Variants in ACSL1 observed in about 807,000 individuals in gnomAD.
ACSL1 encodes the protein acyl-CoA synthetase long chain family member 1, also known as long-chain-fatty-acid--CoA ligase 1.
A neutral mutation model predicts 98.4 loss-of-function variants in ACSL1; 41 were observed. That is an observed-to-expected ratio of 0.42 (90% CI 0.32 to 0.54). The LOEUF is 0.54. Ranked by LOEUF, ACSL1 falls within the 20% of genes least tolerant of loss-of-function variation. The pLI is 0.13. For missense variants in ACSL1, 734 were observed against 883.1 expected, an observed-to-expected ratio of 0.83 and a Z score of 2.14; for synonymous variants, 316 against 322.7, an observed-to-expected ratio of 0.98 and a Z score of 0.22.
At chr4:184,783,833 C>T (rs1216498987) in intron 4 of ACSL1, 94 bp downstream of exon 4, 3 of 1,175,654 alleles carry the variant, frequency 2.6e-6, no homozygotes, top group African/African-American at 3.1e-5. Context: ...CCAGCACATA[C>T]ACTCTGGAGA....
At chr4:184,793,258 T>C (rs1464950639) in intron 2 of ACSL1, among the ~76,000 whole-genome samples, 1 of 150,836 alleles carries the variant, frequency 6.6e-6, no homozygotes, top group Non-Finnish European at 1.5e-5. Context: ...GTCATGAGTA[T>C]ATTCCGCAAC....
At chr4:184,787,136 C>G (rs1767523260) in intron 3 of ACSL1, among the ~76,000 whole-genome samples, 1 of 152,196 alleles carries the variant, frequency 6.6e-6, no homozygotes, top group Admixed American at 6.5e-5. Context: ...ATTTAAATAA[C>G]AAAGCACAGA....
At chr4:184,821,709 G>T (rs1773082886) in intron 1 of ACSL1, among the ~76,000 whole-genome samples, 1 of 152,182 alleles carries the variant, frequency 6.6e-6, no homozygotes, top group African/African-American at 2.4e-5. Context: ...CAAATGGGGA[G>T]AAGTAACTAA....
chr4:184,818,834 A>G (rs1201921029), intron 1 of ACSL1, among the ~76,000 whole-genome samples: 1 of 152,160 alleles, frequency 6.6e-6, no homozygotes, highest in African/African-American at 2.4e-5. Flanking sequence ...ACCAGCCAGA[A>G]AAGACACAGG....
At chr4:184,774,017 G>T (rs1178262429) in intron 7 of ACSL1, 142 bp from the exon 8 acceptor site, 1 of 901,484 alleles carries the variant, frequency 1.1e-6, no homozygotes, top group South Asian at 1.6e-5. Flanking sequence ...TCTAATTAAA[G>T]AAACTATGGC....
chr4:184,778,917 A>T (rs1297478869), intron 5 of ACSL1, among the ~76,000 whole-genome samples: 6 of 151,348 alleles, frequency 4.0e-5, no homozygotes, highest in Non-Finnish European at 7.4e-5. Flanking sequence ...AGACCACAAA[A>T]CTCTAAGAAG....
At position 184,776,431 on chromosome 4, in the gene ACSL1, C is replaced by T. The variant is rs539392371; in HGVS notation, c.756+53G>A. On this transcript the variant is annotated intron_variant, in intron 7 of 20. Transcript: ENST00000281455. ...ATAGCACTGGATAGCACGTGTGAGC[C>T]AACACGGCCCCAGGGAAAGCCTTCA... 1.5e-5 allele frequency: 23 copies of T among 1,573,538 alleles called. No homozygotes were observed. In the African/African-American group the frequency reaches 2.8e-4, roughly 19 times the overall value.
intron 1 of ACSL1, among the ~76,000 whole-genome samples, chr4:184,811,193 C>G (rs1269414528): frequency 1.3e-5 from 2 of 151,974 alleles, no homozygotes; most frequent in Non-Finnish European, 2.9e-5. Flanking sequence ...ACTGCAAGCT[C>G]CGCCTTCTGG....
chr4:184,801,476 C>G lies in ACSL1; in HGVS notation c.195+1844G>C, dbSNP rs1770511815. Among the ~76,000 whole-genome samples the G allele has an allele frequency of 2.0e-5, 3 of 152,188 alleles. No homozygotes were observed. In the South Asian group the frequency reaches 6.2e-4, roughly 31 times the overall value. On this transcript the variant is annotated intron_variant, in intron 2 of 20. Transcript: ENST00000281455. ...CAGCCCCCCGCAGCAGTGCCAGATG[C>G]ACAGGCTCTTCACCGGTACCTTATG...
At chr4:184,783,210 G>C (rs1336791448) in intron 4 of ACSL1, among the ~76,000 whole-genome samples, 2 of 152,180 alleles carry the variant, frequency 1.3e-5, no homozygotes, top group Admixed American at 1.3e-4. Flanking sequence ...ACGTCTTCCT[G>C]CACTGCTACT....
chr4:184,759,369 G>C (rs1762561181), intron 18 of ACSL1, among the ~76,000 whole-genome samples: 1 of 152,168 alleles, frequency 6.6e-6, no homozygotes, highest in African/African-American at 2.4e-5. Flanking sequence ...CTTCTGCACA[G>C]CAAAAGAAAC....
Position 184,762,479 on chromosome 4 carries a change from G to T in ACSL1, c.1566C>A (p.Asp522Glu), listed in dbSNP as rs1315053395. 7 of 1,614,104 alleles carry T rather than the reference G, an allele frequency of 4.3e-6. No homozygotes were observed. The East Asian group carries it at 1.6e-4, about 36-fold the overall frequency. ...GPNVFQGYLK[D>E]PAKTAEALDK... is the part of the protein sequence containing the mutation. ...CCAAAGCTTCTGCTGTTTTCGCTGG[G>T]TCCTTCAAGTAGCCCTGAAATACAT... The change falls in exon 17 of 21, where the codon GAC becomes GAA. Residue 522 changes from aspartate (D) to glutamate (E), a missense_variant. Transcript: ENST00000281455.
chr4:184,822,253 T>C (rs1255133352), intron 1 of ACSL1, among the ~76,000 whole-genome samples: 1 of 152,122 alleles, frequency 6.6e-6, no homozygotes, highest in Non-Finnish European at 1.5e-5. Context: ...TGCCTCCAGA[T>C]GATCACATCC....
intron 5 of ACSL1, among the ~76,000 whole-genome samples, chr4:184,779,811 C>CA (rs2150345127): frequency 6.6e-6 from 1 of 151,768 alleles, no homozygotes; most frequent in South Asian, 2.1e-4. Flanking sequence ...ATAATCCCCC[C>CA]AAAAAAGTGA....
intron 5 of ACSL1, 63 bp downstream of exon 5, chr4:184,780,269 A>G (rs1181813217): frequency 7.3e-7 from 1 of 1,370,740 alleles, no homozygotes; most frequent in Non-Finnish European, 1.0e-6. Context: ...CTCTAGCAGA[A>G]GTTAGGCTCT....
chr4:184,794,124 C>T (rs1318536922), intron 2 of ACSL1, among the ~76,000 whole-genome samples: 1 of 152,208 alleles, frequency 6.6e-6, no homozygotes. Context: ...ATACAGAGCG[C>T]CAACCGCGTC....
intron 7 of ACSL1, among the ~76,000 whole-genome samples, chr4:184,775,205 G>A (rs1005513057): frequency 1.3e-5 from 2 of 152,184 alleles, no homozygotes; most frequent in African/African-American, 4.8e-5. Context: ...CTGCAGTGCA[G>A]TGGGGCGATC....
At chr4:184,788,314 C>A in intron 3 of ACSL1, 1 of 462,522 alleles carries the variant, frequency 2.2e-6, no homozygotes, top group Non-Finnish European at 4.2e-6. Flanking sequence ...GGGCCCAGTT[C>A]AACAGACCTC....
intron 2 of ACSL1, among the ~76,000 whole-genome samples, chr4:184,791,512 G>A (rs1768360309): frequency 6.6e-6 from 1 of 152,202 alleles, no homozygotes; most frequent in Admixed American, 6.5e-5. Context: ...CTGGGGATGC[G>A]ATCCAGCAAT....
Sources: gnomAD v4.1 joint callset for allele counts (sites outside exome capture counted in the v4.1 genomes callset) on GRCh38, gnomAD v4.1.1 for gene constraint, MANE v1.5 for transcripts, NCBI Gene and HGNC (gene_info 2026-07-23, HGNC 2026-07-21) for gene names.